AGBL4: variants seen among roughly 807,000 people sequenced by gnomAD.
AGBL4 encodes the protein AGBL carboxypeptidase 4, also known as cytosolic carboxypeptidase 6.
AGBL4 carries 58 observed loss-of-function variants against 66.4 expected under a neutral mutation model. The observed-to-expected ratio is 0.87, with a 90% CI of 0.71 to 1.09. AGBL4 has a LOEUF of 1.09. Ranked by LOEUF, AGBL4 falls within the 50% of genes least tolerant of loss-of-function variation. AGBL4 has a pLI of 0.00. For missense variants in AGBL4, 579 were observed against 631.0 expected, an observed-to-expected ratio of 0.92 and a Z score of 0.88; for synonymous variants, 234 against 222.9, an observed-to-expected ratio of 1.05 and a Z score of -0.44.
chr1:49,957,407 G>A (rs891170953), intron 1 of AGBL4, among the ~76,000 whole-genome samples: 1 of 151,754 alleles, frequency 6.6e-6, no homozygotes, highest in Non-Finnish European at 1.5e-5. Context: ...CAATTCCTGG[G>A]TATCCTTGTT....
chr1:48,869,415 G>T (rs1337231936), intron 5 of AGBL4, among the ~76,000 whole-genome samples: 4 of 152,176 alleles, frequency 2.6e-5, no homozygotes. Context: ...TCATACATAA[G>T]GGAAGAATCC....
At chr1:48,565,929 G>A (rs1430831797) in intron 11 of AGBL4, among the ~76,000 whole-genome samples, 1 of 152,070 alleles carries the variant, frequency 6.6e-6, no homozygotes, top group African/African-American at 2.4e-5. Context: ...TCTTGACTGG[G>A]GAATGAAGTA....
chr1:48,596,231 GTTCCT>G (rs1644992341), intron 9 of AGBL4, among the ~76,000 whole-genome samples: 1 of 152,116 alleles, frequency 6.6e-6, no homozygotes. Context: ...CCCCATGCAG[GTTCCT>G]TCAGCTCTGA....
At chr1:48,550,901 C>T (rs1644239697) in intron 11 of AGBL4, among the ~76,000 whole-genome samples, 1 of 152,166 alleles carries the variant, frequency 6.6e-6, no homozygotes, top group Non-Finnish European at 1.5e-5. Context: ...GGCAATGTTG[C>T]CTACCGTACT....
At chr1:49,352,171 T>C (rs112122982) in intron 3 of AGBL4, among the ~76,000 whole-genome samples, 136 of 152,292 alleles carry the variant, frequency 8.9e-4, no homozygotes, top group Non-Finnish European at 1.6e-3. Context: ...AGAACACCGC[T>C]TGCATCTCTG....
chr1:49,555,120 C>T (rs897362701), intron 3 of AGBL4, among the ~76,000 whole-genome samples: 8 of 152,302 alleles, frequency 5.3e-5, no homozygotes, highest in East Asian at 3.9e-4. Context: ...ACTCACATCC[C>T]GCTGATTGGT....
intron 2 of AGBL4, among the ~76,000 whole-genome samples, chr1:49,700,040 T>C (rs1647057804): frequency 6.6e-6 from 1 of 151,634 alleles, no homozygotes; most frequent in Non-Finnish European, 1.5e-5. Context: ...ATTTTTTAAA[T>C]ACAAGACAAA....
At chr1:49,050,983 A>G (rs1384184458) in intron 4 of AGBL4, among the ~76,000 whole-genome samples, 3 of 152,098 alleles carry the variant, frequency 2.0e-5, no homozygotes, top group African/African-American at 4.8e-5. Flanking sequence ...GGAGGTTACC[A>G]GAACATAAGG....
chr1:49,625,938 T>C (rs1047202680), intron 3 of AGBL4, among the ~76,000 whole-genome samples: 1 of 152,098 alleles, frequency 6.6e-6, no homozygotes, highest in African/African-American at 2.4e-5. Flanking sequence ...CAGGAGAGAA[T>C]AGGAAGCAGC....
intron 5 of AGBL4, among the ~76,000 whole-genome samples, chr1:49,037,704 T>G (rs1400198013): frequency 1.3e-5 from 2 of 152,090 alleles, no homozygotes; most frequent in African/African-American, 4.8e-5. Context: ...TGCCCACTAC[T>G]TGTATTATAC....
chr1:49,724,785 C>A (rs1309865713), intron 2 of AGBL4, among the ~76,000 whole-genome samples: 2 of 151,960 alleles, frequency 1.3e-5, no homozygotes, highest in African/African-American at 4.8e-5. Flanking sequence ...ATATATCTGT[C>A]CCCCAAGGAA....
chr1:48,549,426 C>T lies in AGBL4; in HGVS notation c.1268-9688G>A, dbSNP rs149217226. 2.0e-4 allele frequency among the ~76,000 whole-genome samples: 30 copies of T among 152,026 alleles called. No homozygotes were observed. In the East Asian group the frequency reaches 5.8e-3, roughly 30 times the overall value. On this transcript the variant is annotated intron_variant, in intron 11 of 13. Transcript: ENST00000371839. ...CCATTGCAGGCAAGTCCAGAGGCAC[C>T]CCCTAGGTAAGAAGACCTGTGAAAG... is the stretch of plus-strand genomic sequence containing the variant.
At chr1:49,656,581 G>C (rs1403683783) in intron 3 of AGBL4, among the ~76,000 whole-genome samples, 1 of 152,138 alleles carries the variant, frequency 6.6e-6, no homozygotes, top group African/African-American at 2.4e-5. Flanking sequence ...CAATATCCCT[G>C]ATGAACGTTG....
At chr1:49,488,637 A>T (rs973637058) in intron 3 of AGBL4, among the ~76,000 whole-genome samples, 3 of 151,776 alleles carry the variant, frequency 2.0e-5, no homozygotes, top group Non-Finnish European at 4.4e-5. Flanking sequence ...ACCATATCTT[A>T]TTCATTTTAT....
intron 6 of AGBL4, among the ~76,000 whole-genome samples, chr1:48,721,931 A>C (rs992143219): frequency 6.6e-6 from 1 of 152,216 alleles, no homozygotes; most frequent in Non-Finnish European, 1.5e-5. Context: ...GGTTTTGGGA[A>C]TACAGCAGTG....
At chr1:49,350,492 C>T (rs537104164) in intron 3 of AGBL4, among the ~76,000 whole-genome samples, 6 of 152,130 alleles carry the variant, frequency 3.9e-5, no homozygotes, top group African/African-American at 9.7e-5. Context: ...CGTGAGCCAC[C>T]GCGCCCGGCC....
chr1:50,017,441 T>C (rs1449720931), intron 1 of AGBL4: 3 of 152,164 alleles, frequency 2.0e-5, no homozygotes, highest in South Asian at 2.1e-4. Context: ...CTATCCATTA[T>C]AGTGGGCAGT....
intron 1 of AGBL4, among the ~76,000 whole-genome samples, chr1:50,003,735 G>C (rs1313433716): frequency 6.6e-6 from 1 of 152,176 alleles, no homozygotes; most frequent in East Asian, 1.9e-4. Flanking sequence ...CAGTAGGCCA[G>C]TGTCTTTTAT....
At chr1:49,564,916 C>T (rs1247457381) in intron 3 of AGBL4, among the ~76,000 whole-genome samples, 2 of 152,142 alleles carry the variant, frequency 1.3e-5, no homozygotes, top group East Asian at 3.8e-4. Context: ...GTGTTAAAGT[C>T]TCCCATTATT....
Sources: allele counts gnomAD v4.1 joint callset (sites outside exome capture counted in the v4.1 genomes callset), GRCh38; gene constraint gnomAD v4.1.1; transcripts MANE v1.5; gene names NCBI Gene and HGNC (gene_info 2026-07-23, HGNC 2026-07-21).